The following NAV3 variants were observed in gnomAD, a reference collection of about 807,000 sequenced individuals.
The protein encoded by NAV3 is pore membrane and/or filament interacting like protein 1.
NAV3 carries 87 observed loss-of-function variants against 244.7 expected under a neutral mutation model. The ratio of observed to expected loss-of-function variants is 0.36; its 90% confidence interval spans 0.30 to 0.42. The LOEUF is 0.42. Among genes scored for constraint, NAV3 ranks in the 20% least tolerant of loss-of-function variants. The pLI is 1.00. For missense variants in NAV3, 2,663 were observed against 2,893.3 expected, an observed-to-expected ratio of 0.92 and a Z score of 1.83; for synonymous variants, 1,126 against 1,042.2, an observed-to-expected ratio of 1.08 and a Z score of -1.55.
chr12:77,603,623 A>C (rs1475773226), intron 2 of NAV3, among the ~76,000 whole-genome samples: 1 of 152,104 alleles, frequency 6.6e-6, no homozygotes, highest in Non-Finnish European at 1.5e-5. Context: ...AAATTGAGTA[A>C]GTGAAGTCAG....
chr12:77,826,820 A>G (rs1438977721), upstream of NAV3, among the ~76,000 whole-genome samples: 1 of 152,182 alleles, frequency 6.6e-6, no homozygotes, highest in African/African-American at 2.4e-5. Flanking sequence ...TTTTGAATGA[A>G]GGGAATATTC....
In NAV3 at chr12:77,956,681, C is replaced by T. The variant is rs189489055; in HGVS notation, c.415-9548C>T. On this transcript the variant is annotated intron_variant, in intron 3 of 39. Coordinates refer to ENST00000397909, the MANE Select transcript of NAV3 (RefSeq NM_001024383.2). ...TTATAGTTGCTCTGGTTGGTATGCC[C>T]TGTTCCTCCTTCTGATGCTTGTCTA... Among the ~76,000 whole-genome samples, 277 of 152,176 alleles carry T rather than the reference C, an allele frequency of 1.8e-3. 3 individuals carry two copies. The highest frequency in any genetic ancestry group is 6.4e-3 in the African/African-American group (265 of 41,518).
chr12:77,721,163 T>C (rs921128506), intron 2 of NAV3, among the ~76,000 whole-genome samples: 3 of 152,178 alleles, frequency 2.0e-5, no homozygotes, highest in Non-Finnish European at 2.9e-5. Flanking sequence ...GAAACTCTAT[T>C]CTTTCATTTA....
intron 2 of NAV3, among the ~76,000 whole-genome samples, chr12:77,603,897 G>A (rs1870552882): frequency 6.6e-6 from 1 of 152,042 alleles, no homozygotes; most frequent in African/African-American, 2.4e-5. Flanking sequence ...ATACAAAATT[G>A]ACGAAGTCCT....
At chr12:77,832,628 T>G (rs1045119826) in intron 1 of NAV3, among the ~76,000 whole-genome samples, 19 of 152,216 alleles carry the variant, frequency 1.2e-4, no homozygotes, top group African/African-American at 4.6e-4. Flanking sequence ...GTCTTTGTGT[T>G]GCAAACATTA....
intron 1 of NAV3, among the ~76,000 whole-genome samples, chr12:77,838,595 C>T (rs1875073503): frequency 6.6e-6 from 1 of 151,908 alleles, no homozygotes; most frequent in Non-Finnish European, 1.5e-5. Context: ...TCTTTCTTTC[C>T]TTTAATAAAA....
intron 30 of NAV3, among the ~76,000 whole-genome samples, chr12:78,182,981 T>C (rs1282589754): frequency 6.6e-6 from 1 of 151,928 alleles, no homozygotes; most frequent in Non-Finnish European, 1.5e-5. Flanking sequence ...GAGAGGATAA[T>C]TGGCAAATAT....
At chr12:77,607,299 A>T (rs766174484) in intron 2 of NAV3, among the ~76,000 whole-genome samples, 1 of 152,062 alleles carries the variant, frequency 6.6e-6, no homozygotes, top group Non-Finnish European at 1.5e-5. Context: ...ATCTTCTACT[A>T]CCCTAGACCC....
intron 2 of NAV3, among the ~76,000 whole-genome samples, chr12:77,789,013 A>C (rs1871038818): frequency 6.6e-6 from 1 of 152,190 alleles, no homozygotes; most frequent in African/African-American, 2.4e-5. Context: ...TTCATTAACA[A>C]AGTCAGCCTA....
At chr12:77,631,714 TATTAA>T (rs1005774425) in intron 2 of NAV3, among the ~76,000 whole-genome samples, 4 of 152,158 alleles carry the variant, frequency 2.6e-5, no homozygotes, top group African/African-American at 9.7e-5. Context: ...CAAAAAACCT[TATTAA>T]ATTGTCAGCA....
chr12:78,163,833 A>G (rs1957668176), intron 23 of NAV3, among the ~76,000 whole-genome samples: 1 of 152,024 alleles, frequency 6.6e-6, no homozygotes, highest in African/African-American at 2.4e-5. Context: ...CTGATTTCAG[A>G]TCGTTTTCTC....
At chr12:77,585,169 G>C (rs1044160055) in intron 2 of NAV3, among the ~76,000 whole-genome samples, 1 of 152,130 alleles carries the variant, frequency 6.6e-6, no homozygotes, top group African/African-American at 2.4e-5. Flanking sequence ...GAGAGAAGAT[G>C]ATCCTGCTTC....
At chr12:77,960,892 G>T (rs1270772) in intron 3 of NAV3, among the ~76,000 whole-genome samples, 116,482 of 145,836 alleles carry the variant, frequency 0.8, 46,655 homozygotes, top group East Asian at 0.98. Flanking sequence ...TATTTAATAT[G>T]AACATATCAT....
intron 9 of NAV3, among the ~76,000 whole-genome samples, chr12:78,024,350 T>C (rs1877650889): frequency 2.0e-5 from 3 of 152,200 alleles, no homozygotes; most frequent in Admixed American, 2.0e-4. Flanking sequence ...TCACTTTACA[T>C]ATATGACCTC....
intron 1 of NAV3, among the ~76,000 whole-genome samples, chr12:77,864,221 G>T (rs1427585047): frequency 4.6e-5 from 7 of 151,308 alleles, no homozygotes; most frequent in Non-Finnish European, 1.0e-4. Context: ...GTCTTTTCCT[G>T]CATTCTGCCA....
At chr12:77,704,821 C>T (rs1875719230) in intron 2 of NAV3, among the ~76,000 whole-genome samples, 1 of 152,198 alleles carries the variant, frequency 6.6e-6, no homozygotes, top group Admixed American at 6.5e-5. Flanking sequence ...TATTTCTCTT[C>T]TCTCTGTCTT....
chr12:78,150,927 T>C (rs1957058841), intron 22 of NAV3, among the ~76,000 whole-genome samples: 1 of 151,964 alleles, frequency 6.6e-6, no homozygotes, highest in South Asian at 2.1e-4. Context: ...AAGTACTCTT[T>C]TTATGTGAAA....
chr12:78,042,797 A>T (rs1031081637), intron 9 of NAV3, among the ~76,000 whole-genome samples: 1 of 152,130 alleles, frequency 6.6e-6, no homozygotes, highest in Non-Finnish European at 1.5e-5. Context: ...TAAAAATGAA[A>T]ATGAAATAAA....
intron 9 of NAV3, among the ~76,000 whole-genome samples, chr12:78,026,915 T>C (rs916968648): frequency 9.9e-5 from 15 of 152,216 alleles, no homozygotes; most frequent in Non-Finnish European, 1.9e-4. Context: ...ATAGGACTTA[T>C]ATCTTTGGCT....
Sources: allele counts gnomAD v4.1 joint callset (sites outside exome capture counted in the v4.1 genomes callset), GRCh38; gene constraint gnomAD v4.1.1; transcripts MANE v1.5; gene names NCBI Gene and HGNC (gene_info 2026-07-23, HGNC 2026-07-21).